TRANK1: variants seen among roughly 807,000 people sequenced by gnomAD.
TRANK1 encodes the protein tetratricopeptide repeat and ankyrin repeat containing 1.
Under a neutral mutation model 266.0 loss-of-function variants are expected in TRANK1, and 198 were observed. That is an observed-to-expected ratio of 0.74 (90% CI 0.66 to 0.84). The LOEUF (loss-of-function observed/expected upper bound fraction) is 0.84. Ranked by LOEUF, TRANK1 falls within the 40% of genes least tolerant of loss-of-function variation. TRANK1 has a pLI of 0.00. For synonymous variants in TRANK1, 1,396 were observed against 1,384.1 expected, an observed-to-expected ratio of 1.01 and a Z score of -0.19; for missense variants, 3,326 against 3,634.6, an observed-to-expected ratio of 0.92 and a Z score of 2.18.
At chr3:36,880,917 T>A (rs1187798598) in intron 8 of TRANK1, among the ~76,000 whole-genome samples, 35 of 106,896 alleles carry the variant, frequency 3.3e-4, no homozygotes, top group Admixed American at 2.6e-4. Flanking sequence ...CAGTCCCCGG[T>A]GTGTGATGTT....
At chr3:36,905,228 T>A (rs1310508536) in intron 2 of TRANK1, among the ~76,000 whole-genome samples, 1 of 151,248 alleles carries the variant, frequency 6.6e-6, no homozygotes, top group East Asian at 2.0e-4. Flanking sequence ...GCGGCGGAGC[T>A]TGCAGTGAGC....
intron 1 of TRANK1, among the ~76,000 whole-genome samples, chr3:36,934,967 G>A (rs1449184291): frequency 6.6e-6 from 1 of 151,720 alleles, no homozygotes; most frequent in African/African-American, 2.4e-5. Flanking sequence ...GCTCTCCCTG[G>A]CCCACCCTCA....
intron 1 of TRANK1, among the ~76,000 whole-genome samples, chr3:36,937,164 T>C (rs1034663159): frequency 6.6e-6 from 1 of 152,166 alleles, no homozygotes; most frequent in Non-Finnish European, 1.5e-5. Flanking sequence ...AAATGGAGTC[T>C]CAGTCATTCA....
intron 9 of TRANK1, among the ~76,000 whole-genome samples, chr3:36,871,603 T>G (rs1391890589): frequency 6.6e-6 from 1 of 152,034 alleles, no homozygotes; most frequent in Non-Finnish European, 1.5e-5. Context: ...ACGAAGAAAT[T>G]AGTATTCCTA....
rs539421482 is a variant in TRANK1 at position 36,830,873 on chromosome 3, C to G, written c.8710G>C (p.Ala2904Pro). Residue 2904 changes from alanine to proline, a missense_variant and splice_region_variant, in exon 22 of 24, where the codon GCG becomes CCG. Transcript: ENST00000645898. ...GGCCCCCATCTCTGCAGACCCTTAC[C>G]GCCAGCCCAGGCCTTCCGCCTGTAG... Reference protein sequence around the residue: ...DLYRRKAWAGAEEAMTRLVNI... With the variant: ...DLYRRKAWAGPEEAMTRLVNI... The G allele has an allele frequency of 6.3e-7, 1 of 1,596,550 alleles. No individual in the cohort carries two copies. The highest frequency in any genetic ancestry group is 8.6e-7 in the Non-Finnish European group (1 of 1,168,966).
intron 20 of TRANK1, among the ~76,000 whole-genome samples, chr3:36,835,424 A>G (rs2078758677): frequency 6.6e-6 from 1 of 152,004 alleles, no homozygotes; most frequent in South Asian, 2.1e-4. Context: ...CTCACAGCAC[A>G]CACAGAGGTA....
rs988086431 is a variant in TRANK1, at chr3:36,884,384, G to C, written c.907+5445C>G. On this transcript the variant is annotated intron_variant, in intron 8 of 23. Coordinates refer to ENST00000645898, the MANE Select transcript of TRANK1 (RefSeq NM_001329998.2). ...TGGTTGATTCCAGGGCTGGGACAGGGACCACGCAATATGAACCTGGAACAC... is the reference window on the plus strand; with the variant it reads ...TGGTTGATTCCAGGGCTGGGACAGGCACCACGCAATATGAACCTGGAACAC... 3.3e-5 allele frequency among the ~76,000 whole-genome samples: 5 copies of C among 152,186 alleles called. No homozygotes were observed. In the East Asian group the frequency reaches 9.6e-4, roughly 29 times the overall value.
intron 3 of TRANK1, among the ~76,000 whole-genome samples, chr3:36,902,020 AGGTATCCAATCTTTTG>A: frequency 6.6e-6 from 1 of 152,194 alleles, no homozygotes; most frequent in Non-Finnish European, 1.5e-5. Flanking sequence ...TCTAAAGCAG[AGGTATCCAATCTTTTG>A]GCTTCCCTGG....
Position 36,892,316 on chromosome 3 carries a change from C to G in TRANK1, c.661G>C (p.Glu221Gln). 6.5e-7 allele frequency: 1 copy of G among 1,537,094 alleles called. No individual in the cohort carries two copies. Among genetic ancestry groups the G allele is most frequent in the Non-Finnish European group, 8.7e-7 (1 of 1,146,880 alleles). ...FEKYVFIGLYEKMEQVPKLVQ... is the reference protein window; with the variant it reads ...FEKYVFIGLYQKMEQVPKLVQ... ...AACTTGGGCACTTGTTCCATCTTCT[C>G]ATAAAGTCCAATGAAAACGTATTTC... The change falls in exon 7 of 24, where the codon GAG becomes CAG. Residue 221 changes from glutamate (E) to glutamine (Q), a missense_variant. By Grantham distance (29) the Glu-to-Gln change is conservative. Transcript: ENST00000645898.
chr3:36,945,088 G>A, upstream of TRANK1: 1 of 428,386 alleles, frequency 2.3e-6, no homozygotes, highest in Non-Finnish European at 4.1e-6. Flanking sequence ...CCCAAAAACT[G>A]TCACGTGCAC....
At position 36,827,854 on chromosome 3, in the gene TRANK1, T is replaced by A. The variant is rs1382458862; in HGVS notation, c.*421A>T. The A allele has an allele frequency of 6.1e-6, 1 of 163,348 alleles. No individual in the cohort carries two copies. Among genetic ancestry groups the A allele is most frequent in the African/African-American group, 2.4e-5 (1 of 41,702 alleles). 10.1% of individuals were successfully genotyped at this position (163,348 alleles called of 1,614,324 possible). The stretch of plus-strand genomic sequence containing the variant: ...GATGCTGCAGCAGTGTGGCAGGAGA[T>A]GAGGGAATCCATAGAGAGATTTCCT... On this transcript the variant is annotated 3_prime_UTR_variant, in exon 24 of 24. Transcript: ENST00000645898.
intron 1 of TRANK1, among the ~76,000 whole-genome samples, chr3:36,918,735 T>A (rs2080174274): frequency 6.6e-6 from 1 of 152,140 alleles, no homozygotes; most frequent in African/African-American, 2.4e-5. Flanking sequence ...CTACTCCAAG[T>A]CTGACAGAAA....
intron 15 of TRANK1, chr3:36,849,993 G>A: frequency 1.0e-6 from 1 of 984,262 alleles, no homozygotes; most frequent in Non-Finnish European, 1.2e-6. Flanking sequence ...CCTGAGCCTT[G>A]GCCACTTCCA....
Position 36,857,549 on chromosome 3 carries a change from G to T in TRANK1, c.2173C>A (p.Pro725Thr), listed in dbSNP as rs372291059. ...VTRKEPGALR[P>T]CSLRDCLMQD... ...ATAAGGCAGTCTCTCAGCGAGCAGG[G>T]CCTGAGAGCTCCAGGCTCCTTCCTG... is the stretch of plus-strand genomic sequence containing the variant. Residue 725 changes from proline to threonine, a missense_variant, in exon 13 of 24, where the codon CCC becomes ACC. Transcript: ENST00000645898. This position sits in a 1 kb window ranked among gnomAD's most constrained non-coding sequence, Gnocchi z 4.3. The T allele has an allele frequency of 1.9e-6, 3 of 1,613,936 alleles. No homozygotes were observed. Among genetic ancestry groups the T allele is most frequent in the Non-Finnish European group, 2.5e-6 (3 of 1,179,912 alleles).
At chr3:36,863,140 G>C (rs1448421766) in intron 10 of TRANK1, among the ~76,000 whole-genome samples, 2 of 152,038 alleles carry the variant, frequency 1.3e-5, no homozygotes, top group Admixed American at 1.3e-4. Context: ...TAAGAGGAAA[G>C]GGGAAAGTAA....
chr3:36,860,559 T>G (rs1043963622), intron 11 of TRANK1, among the ~76,000 whole-genome samples: 2 of 152,130 alleles, frequency 1.3e-5, no homozygotes, highest in Admixed American at 6.5e-5. Context: ...CCACTGCAAG[T>G]CAAAGTCTAG....
rs1456602799 is a variant in TRANK1, at chr3:36,858,846, C to A, written c.1544G>T (p.Cys515Phe). The change falls in exon 12 of 24, where the codon TGC becomes TTC. Residue 515 changes from cysteine (C) to phenylalanine (F), a missense_variant. By Grantham distance (205) the Cys-to-Phe change is radical (BLOSUM62 -2). Coordinates refer to ENST00000645898, the MANE Select transcript of TRANK1 (RefSeq NM_001329998.2). ...QESQERPVVT[C>F]LKHEDFELAF... ...CAACTCGAAGTCCTCATGTTTCAGG[C>A]ACGTGACAACTGGCCTCTCCTGGCT... 6.5e-7 allele frequency: 1 copy of A among 1,537,220 alleles called. No individual in the cohort carries two copies. The highest frequency in any genetic ancestry group is 8.7e-7 in the Non-Finnish European group (1 of 1,146,870).
In TRANK1 at chr3:36,895,774, A is replaced by T; in HGVS notation, c.434-16T>A. 6.7e-7 allele frequency: 1 copy of T among 1,501,036 alleles called. No homozygotes were observed. Among genetic ancestry groups the T allele is most frequent in the East Asian group, 2.5e-5 (1 of 40,488 alleles). 93.0% of individuals were successfully genotyped at this position (1,501,036 alleles called of 1,614,324 possible). A position where few individuals can be genotyped will look rare whatever the true frequency, so the allele number is the denominator to read the frequency against. On this transcript the variant is annotated splice_polypyrimidine_tract_variant and intron_variant, in intron 4 of 23. Coordinates refer to ENST00000645898, the MANE Select transcript of TRANK1 (RefSeq NM_001329998.2). The stretch of plus-strand genomic sequence containing the variant: ...ATGGAGTCACCTAAAAGAAAGTTTC[A>T]TAATTTAGGGATTTTAATGTGGGGA...
intron 20 of TRANK1, 131 bp downstream of exon 20, chr3:36,838,241 C>T (rs949461060): frequency 1.1e-5 from 15 of 1,391,332 alleles, no homozygotes; most frequent in East Asian, 4.6e-5. Flanking sequence ...CCCTTAGAGT[C>T]GCAGGGCCAG....
Sources: allele counts gnomAD v4.1 joint callset (sites outside exome capture counted in the v4.1 genomes callset), GRCh38; gene constraint gnomAD v4.1.1; non-coding constraint Gnocchi (gnomAD v3.1); transcripts MANE v1.5; gene names NCBI Gene and HGNC (gene_info 2026-07-23, HGNC 2026-07-21).